METTL16: variants seen among roughly 807,000 people sequenced by gnomAD.
METTL16 encodes RNA N(6)-adenosine-methyltransferase METTL16.
A neutral mutation model predicts 57.9 loss-of-function variants in METTL16; 19 were observed. That is an observed-to-expected ratio of 0.33 (90% CI 0.23 to 0.48). The LOEUF (loss-of-function observed/expected upper bound fraction) is 0.48. Among genes scored for constraint, METTL16 ranks in the 20% least tolerant of loss-of-function variants. The pLI is 0.99. For missense variants in METTL16, 434 were observed against 691.5 expected, an observed-to-expected ratio of 0.63 and a Z score of 4.18; for synonymous variants, 246 against 255.6, an observed-to-expected ratio of 0.96 and a Z score of 0.36.
At chr17:2,471,321 G>A (rs1014777841) in intron 4 of METTL16, among the ~76,000 whole-genome samples, 71 of 152,070 alleles carry the variant, frequency 4.7e-4, no homozygotes, top group African/African-American at 1.4e-3. Context: ...ACATGCATGC[G>A]CCACCACGCT....
intron 2 of METTL16, among the ~76,000 whole-genome samples, chr17:2,488,004 CAAATA>C (rs1470848479): frequency 6.6e-6 from 1 of 151,244 alleles, no homozygotes; most frequent in African/African-American, 2.4e-5. Context: ...GACCCAGTCT[CAAATA>C]AAATAAAATA....
intron 6 of METTL16, among the ~76,000 whole-genome samples, chr17:2,449,489 T>G (rs754296915): frequency 5.3e-5 from 8 of 152,012 alleles, no homozygotes; most frequent in Non-Finnish European, 1.2e-4. Context: ...ATTACAGGCG[T>G]GAGCCACCAT....
At chr17:2,447,337 T>G (rs2067007903) in intron 6 of METTL16, among the ~76,000 whole-genome samples, 1 of 138,962 alleles carries the variant, frequency 7.2e-6, no homozygotes, top group Non-Finnish European at 1.5e-5. Context: ...GGAAACCCTC[T>G]GCCTGGCAAC....
chr17:2,511,727 G>A, intron 1 of METTL16, 32 bp downstream of exon 1: 1 of 397,824 alleles, frequency 2.5e-6, no homozygotes, highest in Non-Finnish European at 4.4e-6. Flanking sequence ...ACCCATGATA[G>A]TAAATCTGCG....
chr17:2,468,923 GTGT>G (rs934516886), intron 4 of METTL16, among the ~76,000 whole-genome samples: 2 of 150,712 alleles, frequency 1.3e-5, no homozygotes, highest in Admixed American at 6.6e-5. Context: ...TGTTGTGTGT[GTGT>G]GTTTTTTTTT....
chr17:2,431,410 T>C (rs1051980533), intron 8 of METTL16, among the ~76,000 whole-genome samples: 1 of 152,214 alleles, frequency 6.6e-6, no homozygotes, highest in African/African-American at 2.4e-5. Context: ...TTTAGGGCTA[T>C]TATGAATAAT....
chr17:2,502,255 T>C lies in METTL16; in HGVS notation c.77A>G (p.Lys26Arg), dbSNP rs778307316. 1.9e-6 allele frequency: 3 copies of C among 1,613,800 alleles called. No homozygotes were observed. The highest frequency in any genetic ancestry group is 2.2e-5 in the South Asian group (2 of 91,082). Residue 26 changes from lysine (K) to arginine (R), a missense_variant, in exon 2 of 10, where the codon AAA becomes AGA. Coordinates refer to ENST00000263092, the MANE Select transcript of METTL16 (RefSeq NM_024086.4). ...KPPDFAYLAS[K>R]YPDFKQHVQI... The stretch of plus-strand genomic sequence containing the variant: ...AACATGCTGCTTAAAATCTGGATAT[T>C]TGGATGCCAGATATGCAAAGTCAGG...
chr17:2,484,683 G>C (rs750841410), intron 2 of METTL16, among the ~76,000 whole-genome samples: 3 of 152,004 alleles, frequency 2.0e-5, no homozygotes, highest in Non-Finnish European at 4.4e-5. Flanking sequence ...TAGTAGAGAC[G>C]GGGTTTCGCC....
rs960296280 is a variant in METTL16 at position 2,451,172 on chromosome 17, A to T, written c.729-9613T>A. On this transcript the variant is annotated intron_variant, in intron 6 of 9. Transcript: ENST00000263092. The stretch of plus-strand genomic sequence containing the variant: ...AATTCAACAAGAGGTGACCACATCT[A>T]TTTTTGTTTAGGCAATCCTTTTTCC... Among the ~76,000 whole-genome samples, 3 of 152,200 alleles carry T rather than the reference A, an allele frequency of 2.0e-5. No individual in the cohort carries two copies. In the South Asian group the frequency reaches 6.2e-4, roughly 31 times the overall value.
At chr17:2,485,955 G>C (rs2067338206) in intron 2 of METTL16, among the ~76,000 whole-genome samples, 1 of 152,112 alleles carries the variant, frequency 6.6e-6, no homozygotes, top group African/African-American at 2.4e-5. Flanking sequence ...GCTAAGAACT[G>C]ACAATGGAAG....
In METTL16 at chr17:2,492,027, C is replaced by T. The variant is rs559110138; in HGVS notation, c.128+10177G>A. On this transcript the variant is annotated intron_variant, in intron 2 of 9. Transcript: ENST00000263092. ...GAGATCGAGACCATCCTGGCTAACA[C>T]GGTGAAACCCTGTCTCTACTAAAAA... Among the ~76,000 whole-genome samples, 42 of 151,254 alleles carry T rather than the reference C, an allele frequency of 2.8e-4. 1 individual carries two copies. The East Asian group carries it at 3.7e-3, about 13-fold the overall frequency.
At chr17:2,510,575 C>G (rs1207007603) in intron 1 of METTL16, among the ~76,000 whole-genome samples, 1 of 152,200 alleles carries the variant, frequency 6.6e-6, no homozygotes, top group Non-Finnish European at 1.5e-5. Flanking sequence ...GTAAATACAA[C>G]CACTTCTTTT....
chr17:2,460,698 C>T (rs1248339580), intron 6 of METTL16, among the ~76,000 whole-genome samples: 3 of 152,104 alleles, frequency 2.0e-5, no homozygotes, highest in Admixed American at 6.5e-5. Flanking sequence ...CCAGCCTGAC[C>T]AACACGGAGA....
intron 2 of METTL16, among the ~76,000 whole-genome samples, chr17:2,496,694 T>C (rs2067448593): frequency 6.6e-6 from 1 of 151,610 alleles, no homozygotes; most frequent in Admixed American, 6.6e-5. Flanking sequence ...CCCCCAGAAT[T>C]CCTTTGTTGG....
At chr17:2,485,546 T>C (rs1480798467) in intron 2 of METTL16, among the ~76,000 whole-genome samples, 1 of 152,194 alleles carries the variant, frequency 6.6e-6, no homozygotes, top group Non-Finnish European at 1.5e-5. Context: ...GTTGGGGTAC[T>C]TGGCTACTCT....
At chr17:2,451,249 C>T (rs983245904) in intron 6 of METTL16, among the ~76,000 whole-genome samples, 8 of 152,122 alleles carry the variant, frequency 5.3e-5, no homozygotes, top group African/African-American at 1.9e-4. Flanking sequence ...AAACAAACCC[C>T]GGTAAAGTTA....
At chr17:2,451,537 C>T (rs961386016) in intron 6 of METTL16, among the ~76,000 whole-genome samples, 2 of 151,604 alleles carry the variant, frequency 1.3e-5, no homozygotes, top group African/African-American at 4.8e-5. Context: ...AGGAGAATCG[C>T]TTGAACCCAG....
intron 1 of METTL16, among the ~76,000 whole-genome samples, chr17:2,506,632 G>C (rs1490318455): frequency 6.6e-6 from 1 of 151,894 alleles, no homozygotes; most frequent in East Asian, 1.9e-4. Flanking sequence ...ATCGCGGCTC[G>C]CTACAACCTC....
intron 5 of METTL16, 127 bp downstream of exon 5, chr17:2,467,634 G>A (rs1359757066): frequency 4.8e-6 from 3 of 630,724 alleles, no homozygotes; most frequent in Admixed American, 2.5e-5. Flanking sequence ...CACCATGTTG[G>A]CCAGGCTGGT....
Sources: gnomAD v4.1 joint callset for allele counts (sites outside exome capture counted in the v4.1 genomes callset) on GRCh38, gnomAD v4.1.1 for gene constraint, MANE v1.5 for transcripts, NCBI Gene and HGNC (gene_info 2026-07-23, HGNC 2026-07-21) for gene names.